Variants in PIGU observed in about 807,000 individuals in gnomAD.
PIGU encodes the protein phosphatidylinositol glycan anchor biosynthesis class U.
In PIGU, 24 loss-of-function variants were observed where a neutral mutation model predicts 49.9. The ratio of observed to expected loss-of-function variants is 0.48; its 90% CI spans 0.35 to 0.68. The LOEUF (loss-of-function observed/expected upper bound fraction) is 0.68, where lower values mean the gene tolerates loss of function less well. Among genes scored for constraint, PIGU ranks in the 30% least tolerant of loss-of-function variants. The pLI, the probability that PIGU is intolerant of heterozygous loss-of-function variation, is 0.01. For missense variants in PIGU, 490 were observed against 532.6 expected (o/e 0.92, Z 0.79); for synonymous variants, 220 against 205.7 (o/e 1.07, Z -0.59).
At chr20:34,635,960 A>C (rs1985948194) in intron 5 of PIGU, among the ~76,000 whole-genome samples, 1 of 152,050 alleles carries the variant, frequency 6.6e-6, no homozygotes, top group Admixed American at 6.6e-5. Context: ...TGGGAGGCCA[A>C]GGTGGGTGGA....
At chr20:34,637,672 G>A (rs953891060) in intron 5 of PIGU, among the ~76,000 whole-genome samples, 3 of 152,176 alleles carry the variant, frequency 2.0e-5, no homozygotes, top group African/African-American at 7.2e-5. Context: ...AGCCCTGTGT[G>A]AGTCTTTGTC....
chr20:34,632,266 T>C (rs6059956), intron 6 of PIGU, among the ~76,000 whole-genome samples: 66,206 of 152,006 alleles, frequency 0.44, 15,085 homozygotes, highest in Middle Eastern at 0.5. Context: ...GGAAAAGTTA[T>C]TCGAGTCTAA....
chr20:34,608,971 G>T (rs1365521755), intron 7 of PIGU, among the ~76,000 whole-genome samples: 1 of 152,094 alleles, frequency 6.6e-6, no homozygotes, highest in African/African-American at 2.4e-5. Flanking sequence ...TAGTAGTCTG[G>T]CAGAAACTCA....
chr20:34,660,048 T>TAAA (rs1555803430), intron 1 of PIGU, among the ~76,000 whole-genome samples: 6 of 41,408 alleles, frequency 1.4e-4, no homozygotes, highest in African/African-American at 2.3e-4. Context: ...GAATGATCAA[T>TAAA]AAAAAAAAAA....
intron 10 of PIGU, chr20:34,579,451 A>G (rs1297240614): frequency 6.6e-6 from 1 of 152,216 alleles, no homozygotes; most frequent in East Asian, 1.9e-4. Flanking sequence ...CTGACAGCTA[A>G]TGTTTAAATG....
rs972406857 is a variant in PIGU, at chr20:34,637,732, G to A, written c.428+144C>T. On this transcript the variant is annotated intron_variant, in intron 5 of 11. Transcript: ENST00000217446. ...CTCTTTTGCTGGCCAGAACAACAGAGCCCAGTTGTGCAACAGAACTACAGC... is the reference window on the plus strand; with the variant it reads ...CTCTTTTGCTGGCCAGAACAACAGAACCCAGTTGTGCAACAGAACTACAGC... The A allele has an allele frequency of 4.1e-6, 6 of 1,469,738 alleles. No homozygotes were observed. In the African/African-American group the frequency reaches 7.2e-5, roughly 18 times the overall value. The allele number at this position is 1,469,738 out of a possible 1,614,324, so 91.0% of individuals were successfully genotyped here.
At chr20:34,649,848 C>CTTTT (rs1243838081) in intron 2 of PIGU, among the ~76,000 whole-genome samples, 7 of 105,662 alleles carry the variant, frequency 6.6e-5, no homozygotes, top group Non-Finnish European at 1.2e-4. Flanking sequence ...CTATTACATT[C>CTTTT]TTTTTTTTTT....
In PIGU at chr20:34,644,179, G is replaced by T. The variant is rs1331599031; in HGVS notation, c.303C>A (p.Asp101Glu). 1 of 1,610,398 alleles carries T rather than the reference G, an allele frequency of 6.2e-7. No homozygotes were observed. The highest frequency in any genetic ancestry group is 1.1e-5 in the South Asian group (1 of 90,966). Residue 101 changes from aspartate (D) to glutamate (E), a missense_variant, in exon 4 of 12, where the codon GAC becomes GAA. Physicochemically the swap from Asp to Glu is conservative, Grantham distance 45. Transcript: ENST00000217446. The stretch of plus-strand genomic sequence containing the variant: ...AACTACTTACCACAACTTTATTGAA[G>T]TCCTGGATTGCAAAATACAGGGCAA... ...TAIALYFAIQ[D>E]FNKVVFKKQK... is the part of the protein sequence containing the mutation.
chr20:34,599,720 T>C (rs1984339202), intron 7 of PIGU, among the ~76,000 whole-genome samples: 1 of 152,172 alleles, frequency 6.6e-6, no homozygotes, highest in Non-Finnish European at 1.5e-5. Flanking sequence ...CATAACTCCA[T>C]GATAAAGACT....
chr20:34,592,995 T>C (rs1045572509), intron 7 of PIGU, among the ~76,000 whole-genome samples: 5 of 152,246 alleles, frequency 3.3e-5, no homozygotes, highest in South Asian at 2.1e-4. Flanking sequence ...ACTAAATTTT[T>C]CTGAAATAAT....
intron 2 of PIGU, among the ~76,000 whole-genome samples, chr20:34,650,944 C>T (rs765580455): frequency 1.3e-5 from 2 of 151,558 alleles, no homozygotes; most frequent in Non-Finnish European, 2.9e-5. Context: ...GAACTCCTGA[C>T]CTCAGGTGAT....
intron 6 of PIGU, among the ~76,000 whole-genome samples, chr20:34,628,203 C>A (rs1985566908): frequency 6.6e-6 from 1 of 152,088 alleles, no homozygotes; most frequent in Non-Finnish European, 1.5e-5. Context: ...AGAAATCTGA[C>A]TGGGTGTGGT....
At position 34,667,002 on chromosome 20, in the gene PIGU, CCTGA is replaced by C. The variant is rs1167115282; in HGVS notation, c.131-9762_131-9759del. 2.6e-5 allele frequency among the ~76,000 whole-genome samples: 4 copies of C among 151,936 alleles called. No individual in the cohort carries two copies. In the South Asian group the frequency reaches 6.2e-4, roughly 24 times the overall value. Reference sequence around the variant, plus strand: ...CGTGAGCCACCGCGCCCAGCCAGCACCTGACTAATTCTTATTTTTTGTAGAGATG... The same window carrying C: ...CGTGAGCCACCGCGCCCAGCCAGCACCTAATTCTTATTTTTTGTAGAGATG... On this transcript the variant is annotated intron_variant, in intron 1 of 11. Coordinates refer to ENST00000217446, the MANE Select transcript of PIGU (RefSeq NM_080476.5).
chr20:34,565,530 T>G, intron 11 of PIGU, among the ~76,000 whole-genome samples: 1 of 152,096 alleles, frequency 6.6e-6, no homozygotes, highest in South Asian at 2.1e-4. Flanking sequence ...AGTGCTGGTA[T>G]TACAGGCATG....
rs189211450 is a variant in PIGU at position 34,633,514 on chromosome 20, C to T, written c.529+1101G>A. Among the ~76,000 whole-genome samples, 8 of 151,382 alleles carry T rather than the reference C, an allele frequency of 5.3e-5. No homozygotes were observed. In the East Asian group the frequency reaches 1.5e-3, roughly 29 times the overall value. ...AAATAAACAAGAAACCATGGTGTAACTACTACAGGAAAATCAGGCAAAGGG... is the reference window on the plus strand; with the variant it reads ...AAATAAACAAGAAACCATGGTGTAATTACTACAGGAAAATCAGGCAAAGGG... On this transcript the variant is annotated intron_variant, in intron 6 of 11. Transcript: ENST00000217446.
chr20:34,572,016 T>C (rs1203086280), intron 11 of PIGU, among the ~76,000 whole-genome samples: 1 of 152,092 alleles, frequency 6.6e-6, no homozygotes, highest in Non-Finnish European at 1.5e-5. Flanking sequence ...TGTAGGTTGG[T>C]GTGGCCTGCC....
chr20:34,570,859 A>G (rs1281060629), intron 11 of PIGU, among the ~76,000 whole-genome samples: 2 of 152,046 alleles, frequency 1.3e-5, no homozygotes, highest in Non-Finnish European at 2.9e-5. Context: ...AATATTTTCC[A>G]CCTGCTGGTC....
intron 6 of PIGU, among the ~76,000 whole-genome samples, chr20:34,628,450 T>A (rs1985578690): frequency 6.6e-6 from 1 of 152,216 alleles, no homozygotes. Flanking sequence ...GAAAGTTAAT[T>A]GTAATATTTA....
chr20:34,653,926 C>T (rs1322389717), intron 2 of PIGU, among the ~76,000 whole-genome samples: 1 of 151,676 alleles, frequency 6.6e-6, no homozygotes, highest in Non-Finnish European at 1.5e-5. Context: ...GGCACCATCT[C>T]GGCTCACTGC....
Sources: allele counts gnomAD v4.1 joint callset (sites outside exome capture counted in the v4.1 genomes callset), GRCh38; gene constraint gnomAD v4.1.1; transcripts MANE v1.5; gene names NCBI Gene and HGNC (gene_info 2026-07-23, HGNC 2026-07-21).